TM4SF18: variants seen among roughly 807,000 people sequenced by gnomAD.
TM4SF18 encodes the protein transmembrane 4 L six family member 18, also known as transmembrane 4 L6 family member 18.
A neutral mutation model predicts 23.8 loss-of-function variants in TM4SF18; 22 were observed. The ratio of observed to expected loss-of-function variants is 0.92; its 90% CI spans 0.66 to 1.32. The LOEUF is 1.32. Among genes scored for constraint, TM4SF18 ranks in the 40% most tolerant of loss-of-function variants. The pLI, the probability that TM4SF18 is intolerant of heterozygous loss-of-function variation, is 0.00. For synonymous variants in TM4SF18, 87 were observed against 87.9 expected (o/e 0.99, Z 0.06); for missense variants, 255 against 240.3 (o/e 1.06, Z -0.41).
At chr3:149,333,468 T>TTCTC (rs199549810) in intron 1 of TM4SF18, 45 bp downstream of exon 1, 15 of 416,712 alleles carry the variant, frequency 3.6e-5, no homozygotes, top group Middle Eastern at 5.2e-4. Flanking sequence ...GACCTTTTTT[T>TTCTC]TCTCTCTCTC....
At chr3:149,323,248 A>T (rs545067876) in intron 4 of TM4SF18, among the ~76,000 whole-genome samples, 84 of 152,276 alleles carry the variant, frequency 5.5e-4, no homozygotes, top group African/African-American at 1.9e-3. Context: ...CCCCAGAGTT[A>T]TTGTGAATAT....
At position 149,318,559 on chromosome 3, in the gene TM4SF18, G is replaced by A. The variant is rs1356546034; in HGVS notation, c.*2919C>T. The A allele has an allele frequency of 1.3e-5, 2 of 152,070 alleles. No individual in the cohort carries two copies. The highest frequency in any genetic ancestry group is 1.9e-4 in the East Asian group (1 of 5,202). The allele number at this position is 152,070 out of a possible 1,614,324, so 9.4% of individuals were successfully genotyped here. ...CAAGTACATAACACATTTTCAAAGG[G>A]AAATTTGAAAATACTGAACAATGTA... is the stretch of plus-strand genomic sequence containing the variant. On this transcript the variant is annotated 3_prime_UTR_variant, in exon 6 of 6. Transcript: ENST00000296059.
At chr3:149,327,015 T>C (rs1184061552) in intron 3 of TM4SF18, among the ~76,000 whole-genome samples, 1 of 152,206 alleles carries the variant, frequency 6.6e-6, no homozygotes, top group African/African-American at 2.4e-5. Context: ...CAGGGCCTGA[T>C]CATGGCTCAC....
rs1258205960 is a variant in TM4SF18 at position 149,320,494 on chromosome 3, T to C, written c.*984A>G. The C allele has an allele frequency of 1.3e-5, 2 of 152,220 alleles. No homozygotes were observed. Among genetic ancestry groups the C allele is most frequent in the Non-Finnish European group, 2.9e-5 (2 of 68,036 alleles). 9.4% of individuals were successfully genotyped at this position (152,220 alleles called of 1,614,324 possible). A position where few individuals can be genotyped will look rare whatever the true frequency, so the allele number is the denominator to read the frequency against. On this transcript the variant is annotated 3_prime_UTR_variant, in exon 6 of 6. Transcript: ENST00000296059. ...GTCATTTTCTCTTGCCCATTGAGCA[T>C]GTTCCCTAGCTGCTCACTTATTTTA...
Position 149,324,993 on chromosome 3 carries a change from GA to G in TM4SF18, c.296del (p.Leu99ProfsTer68). On this transcript the variant is annotated frameshift_variant, in exon 4 of 6. Coordinates refer to ENST00000296059, the MANE Select transcript of TM4SF18 (RefSeq NM_138786.4). LOFTEE classifies it high-confidence loss of function. ...GGCAGTATCCAGAAAAAGCAATTCC[GA>G]GGGAAGAAAAGATAATTGACAGCAG... ...VTLLSIIFSS[L>X]GIAFSGYCLV... is the part of the protein sequence containing the mutation. The G allele has an allele frequency of 6.2e-7, 1 of 1,613,992 alleles. No individual in the cohort carries two copies. The highest frequency in any genetic ancestry group is 8.5e-7 in the Non-Finnish European group (1 of 1,179,982).
rs961199472 is a variant in TM4SF18 at position 149,318,746 on chromosome 3, A to G, written c.*2732T>C. On this transcript the variant is annotated 3_prime_UTR_variant, in exon 6 of 6. Coordinates refer to ENST00000296059, the MANE Select transcript of TM4SF18 (RefSeq NM_138786.4). ...TAAGTTTCCAATATTAGGCATTTTC[A>G]GGGTGTTGTGACCACAGATGATGTA... 3 of 152,212 alleles carry G rather than the reference A, an allele frequency of 2.0e-5. No individual in the cohort carries two copies. Among genetic ancestry groups the G allele is most frequent in the African/African-American group, 7.2e-5 (3 of 41,458 alleles). The allele number at this position is 152,212 out of a possible 1,614,324, so 9.4% of individuals were successfully genotyped here. A position where few individuals can be genotyped will look rare whatever the true frequency, so the allele number is the denominator to read the frequency against.
intron 3 of TM4SF18, among the ~76,000 whole-genome samples, chr3:149,327,402 G>A (rs1576832951): frequency 6.6e-6 from 1 of 151,526 alleles, no homozygotes; most frequent in South Asian, 2.1e-4. Flanking sequence ...ACAGATGCAA[G>A]TTGAGGTGAC....
intron 2 of TM4SF18, among the ~76,000 whole-genome samples, chr3:149,331,704 G>T (rs552840097): frequency 6.6e-6 from 1 of 152,232 alleles, no homozygotes; most frequent in East Asian, 1.9e-4. Flanking sequence ...CAAGAATAAT[G>T]GAGGTAAAGT....
chr3:149,333,406 G>A lies in TM4SF18; in HGVS notation c.-17-7C>T. 1 of 1,574,604 alleles carries A rather than the reference G, an allele frequency of 6.4e-7. No homozygotes were observed. Among genetic ancestry groups the A allele is most frequent in the South Asian group, 1.2e-5 (1 of 83,704 alleles). Reference sequence around the variant, plus strand: ...ATTTTGCCCTGCTTAGAACCTGCGGGAGATTTCAAGAGTATACAGTCACAG... The same window carrying A: ...ATTTTGCCCTGCTTAGAACCTGCGGAAGATTTCAAGAGTATACAGTCACAG... On this transcript the variant is annotated splice_region_variant and splice_polypyrimidine_tract_variant and intron_variant, in intron 1 of 5. Coordinates refer to ENST00000296059, the MANE Select transcript of TM4SF18 (RefSeq NM_138786.4).
intron 3 of TM4SF18, among the ~76,000 whole-genome samples, chr3:149,327,096 C>T (rs1485829728): frequency 6.6e-6 from 1 of 152,114 alleles, no homozygotes; most frequent in African/African-American, 2.4e-5. Flanking sequence ...ACTACAGGCA[C>T]GTGCCGCCAC....
intron 2 of TM4SF18, among the ~76,000 whole-genome samples, chr3:149,332,815 A>G (rs1731114701): frequency 6.6e-6 from 1 of 152,108 alleles, no homozygotes; most frequent in Non-Finnish European, 1.5e-5. Context: ...CTTTTTTTTC[A>G]TGCTGTCCTA....
chr3:149,326,349 T>C (rs970936725), intron 3 of TM4SF18, among the ~76,000 whole-genome samples: 5 of 152,222 alleles, frequency 3.3e-5, no homozygotes, highest in African/African-American at 1.2e-4. Flanking sequence ...GCGAGAATAC[T>C]TAATGGGTGT....
chr3:149,324,723 C>T, intron 4 of TM4SF18, 157 bp downstream of exon 4: 2 of 883,336 alleles, frequency 2.3e-6, no homozygotes, highest in Non-Finnish European at 3.4e-6. Context: ...TGTGCAAGAA[C>T]AAATTGGTCT....
rs1553771968 is a variant in TM4SF18, at chr3:149,330,422, A to G, written c.178-3T>C. On this transcript the variant is annotated splice_polypyrimidine_tract_variant and splice_region_variant and intron_variant, in intron 2 of 5. Transcript: ENST00000296059. ...AGAACTGTTGTTACTATAAGCATCT[A>G]TAGGAGGGAAGACATAAAATGTTAG... is the stretch of plus-strand genomic sequence containing the variant. The G allele has an allele frequency of 1.3e-6, 2 of 1,569,514 alleles. No individual in the cohort carries two copies. Among genetic ancestry groups the G allele is most frequent in the Non-Finnish European group, 1.7e-6 (2 of 1,145,854 alleles).
chr3:149,331,968 T>G (rs1184780216), intron 2 of TM4SF18, among the ~76,000 whole-genome samples: 1 of 152,218 alleles, frequency 6.6e-6, no homozygotes, highest in African/African-American at 2.4e-5. Context: ...TTATTTACTA[T>G]TATACCAATG....
chr3:149,322,404 C>A lies in TM4SF18; in HGVS notation c.443G>T (p.Cys148Phe). 1 of 1,613,942 alleles carries A rather than the reference C, an allele frequency of 6.2e-7. No individual in the cohort carries two copies. Among genetic ancestry groups the A allele is most frequent in the Non-Finnish European group, 8.5e-7 (1 of 1,179,932 alleles). ...FLTDSSIWIQ[C>F]LEPAHVVEWN... ...CTCCACAACATGTGCAGGTTCCAGG[C>A]ACTGAATCCATATGCTAGAATCTGT... The change falls in exon 5 of 6, where the codon TGC (cysteine) becomes TTC (phenylalanine). Residue 148 changes from cysteine to phenylalanine, a missense_variant. By Grantham distance (205) the Cys-to-Phe change is radical. Coordinates refer to ENST00000296059, the MANE Select transcript of TM4SF18 (RefSeq NM_138786.4).
intron 2 of TM4SF18, 99 bp downstream of exon 2, chr3:149,333,107 G>T: frequency 8.5e-7 from 1 of 1,180,964 alleles, no homozygotes; most frequent in Non-Finnish European, 1.2e-6. Context: ...CCCAAGATTA[G>T]CAGAATGATT....
rs1730742866 is a variant in TM4SF18, at chr3:149,319,101, T to C, written c.*2377A>G. On this transcript the variant is annotated 3_prime_UTR_variant, in exon 6 of 6. Transcript: ENST00000296059. Reference sequence around the variant, plus strand: ...TGTACCCCTGATGTGTCCAATGCTGTGGTGGAGTCATTCAGCAAACATCTA... The same window carrying C: ...TGTACCCCTGATGTGTCCAATGCTGCGGTGGAGTCATTCAGCAAACATCTA... 6.6e-6 allele frequency: 1 copy of C among 152,170 alleles called. No homozygotes were observed. The highest frequency in any genetic ancestry group is 1.5e-5 in the Non-Finnish European group (1 of 68,022). 9.4% of individuals were successfully genotyped at this position (152,170 alleles called of 1,614,324 possible).
chr3:149,328,268 G>A (rs1731000191), intron 3 of TM4SF18, among the ~76,000 whole-genome samples: 1 of 152,072 alleles, frequency 6.6e-6, no homozygotes, highest in Admixed American at 6.6e-5. Flanking sequence ...CCTCATAAAT[G>A]GCACCTTCTA....
Sources: allele counts gnomAD v4.1 joint callset (sites outside exome capture counted in the v4.1 genomes callset), GRCh38; gene constraint gnomAD v4.1.1; transcripts MANE v1.5; gene names NCBI Gene and HGNC (gene_info 2026-07-23, HGNC 2026-07-21).